ACOX2: variants seen among roughly 807,000 people sequenced by gnomAD.
ACOX2 encodes the protein peroxisomal acyl-coenzyme A oxidase 2.
A neutral mutation model predicts 77.5 loss-of-function variants in ACOX2; 59 were observed. That is an observed-to-expected ratio of 0.76 (90% confidence interval 0.62 to 0.95). ACOX2 has a LOEUF of 0.95. Ranked by LOEUF, ACOX2 falls within the 40% of genes least tolerant of loss-of-function variation. The pLI is 0.00. For synonymous variants in ACOX2, 317 were observed against 340.1 expected (o/e 0.93, Z 0.75); for missense variants, 837 against 880.4 (o/e 0.95, Z 0.62).
At position 58,524,599 on chromosome 3, in the gene ACOX2, C is replaced by T. The variant is rs1233213957; in HGVS notation, c.1353G>A (p.Leu451=). ...TVLYLQVARF[L]VKSYLQTQMS... ...TCTGAGTCTGCAGGTAGCTCTTCAC[C>T]AGGAACCTGGGGGTTGGAAGAGGAG... The change falls in exon 11 of 15, where the codon CTG becomes CTA. Residue 451 remains leucine (L), a synonymous_variant. Coordinates refer to ENST00000302819, the MANE Select transcript of ACOX2 (RefSeq NM_003500.4). This position sits in a 1 kb window ranked among gnomAD's most constrained non-coding sequence, Gnocchi z 5.5. 4 of 1,613,784 alleles carry T rather than the reference C, an allele frequency of 2.5e-6. No individual in the cohort carries two copies. In the African/African-American group the frequency reaches 5.3e-5, roughly 22 times the overall value.
Position 58,531,354 on chromosome 3 carries a change from C to A in ACOX2, c.716G>T (p.Gly239Val). ...AAAGTCCATCTTGGGTCCGATGTCCCCAATGATGATTCCTTGAAGGAGATG... is the reference window on the plus strand; with the variant it reads ...AAAGTCCATCTTGGGTCCGATGTCCACAATGATGATTCCTTGAAGGAGATG... ...DHTPLPGIII[G>V]DIGPKMDFDQ... Residue 239 changes from glycine (G) to valine (V), a missense_variant, in exon 7 of 15, where the codon GGG becomes GTG. Coordinates refer to ENST00000302819, the MANE Select transcript of ACOX2 (RefSeq NM_003500.4). This position sits in a 1 kb window ranked among gnomAD's most constrained non-coding sequence, Gnocchi z 5.8. 6.2e-7 allele frequency: 1 copy of A among 1,613,722 alleles called. No individual in the cohort carries two copies. The highest frequency in any genetic ancestry group is 1.1e-5 in the South Asian group (1 of 91,076).
In ACOX2 at chr3:58,512,336, A is replaced by G. The variant is rs926872463; in HGVS notation, c.1851-3311T>C. Among the ~76,000 whole-genome samples, 7 of 152,164 alleles carry G rather than the reference A, an allele frequency of 4.6e-5. No homozygotes were observed. The highest frequency in any genetic ancestry group is 1.2e-4 in the African/African-American group (5 of 41,434). ...CACCTCCAGCACTGTCACTGCTCCA[A>G]TCCACTATCATCACTCACTTGGATG... On this transcript the variant is annotated intron_variant, in intron 13 of 14. Coordinates refer to ENST00000302819, the MANE Select transcript of ACOX2 (RefSeq NM_003500.4). This position sits in a 1 kb window ranked among gnomAD's most constrained non-coding sequence, Gnocchi z 4.8.
At position 58,526,916 on chromosome 3, in the gene ACOX2, G is replaced by A. The variant is rs2063399749; in HGVS notation, c.1156-260C>T. On this transcript the variant is annotated intron_variant, in intron 9 of 14. Coordinates refer to ENST00000302819, the MANE Select transcript of ACOX2 (RefSeq NM_003500.4). This position sits in a 1 kb window ranked among gnomAD's most constrained non-coding sequence, Gnocchi z 4.3. ...GCCTGGCCAGTGTCTCCAGGATTGG[G>A]AAGAGGGTGCTGCCTGGATTGGGCC... is the stretch of plus-strand genomic sequence containing the variant. Among the ~76,000 whole-genome samples the A allele has an allele frequency of 1.3e-5, 2 of 152,214 alleles. No individual in the cohort carries two copies. The highest frequency in any genetic ancestry group is 4.1e-4 in the South Asian group (2 of 4,832).
intron 14 of ACOX2, among the ~76,000 whole-genome samples, chr3:58,508,195 C>T (rs539478346): frequency 3.9e-4 from 60 of 152,300 alleles, no homozygotes; most frequent in African/African-American, 1.3e-3. Flanking sequence ...CATAGAGCTG[C>T]GAGCATACCC....
chr3:58,510,838 A>G (rs1289009358), intron 13 of ACOX2: 1 of 384,380 alleles, frequency 2.6e-6, no homozygotes, highest in Non-Finnish European at 5.2e-6. Context: ...CTTTGTAACT[A>G]TACATGGCTG....
At position 58,526,638 on chromosome 3, in the gene ACOX2, C is replaced by A. The variant is rs2063397647; in HGVS notation, c.1174G>T (p.Gly392Cys). The change falls in exon 10 of 15, where the codon GGC (glycine) becomes TGC (cysteine). Residue 392 changes from glycine (G) to cysteine (C), a missense_variant. By Grantham distance (159) the Gly-to-Cys change is radical. Coordinates refer to ENST00000302819, the MANE Select transcript of ACOX2 (RefSeq NM_003500.4). This position sits in a 1 kb window ranked among gnomAD's most constrained non-coding sequence, Gnocchi z 4.3. The part of the protein sequence containing the change: ...FLPELHALST[G>C]MKAMMSEFCT... ...AATTCTGACATCATGGCCTTCATGC[C>A]CGTGCTCAGTGCGTGGAGCTGTGAG... is the stretch of plus-strand genomic sequence containing the variant. 2.5e-6 allele frequency: 4 copies of A among 1,613,932 alleles called. No individual in the cohort carries two copies. The African/African-American group carries it at 4.0e-5, about 16-fold the overall frequency.
At position 58,534,435 on chromosome 3, in the gene ACOX2, C is replaced by T. The variant is rs374929399; in HGVS notation, c.248G>A (p.Arg83Lys). ...AGCTATCAACCGGATGTGGAATGCC[C>T]TCCGCATGGCAGCCTTATAACGCTC... ...QNERYKAAMRRAFHIRLIARR... is the reference protein window; with the variant it reads ...QNERYKAAMRKAFHIRLIARR... The change falls in exon 3 of 15, where the codon AGG becomes AAG. Residue 83 changes from arginine (R) to lysine (K), a missense_variant. Coordinates refer to ENST00000302819, the MANE Select transcript of ACOX2 (RefSeq NM_003500.4). The surrounding 1 kb of genome is among the most constrained non-coding windows in gnomAD (Gnocchi z 4.8). 2.5e-6 allele frequency: 4 copies of T among 1,614,190 alleles called. No individual in the cohort carries two copies. The highest frequency in any genetic ancestry group is 3.4e-6 in the Non-Finnish European group (4 of 1,180,036).
Position 58,514,552 on chromosome 3 carries a change from C to A in ACOX2, c.1850+2654G>T, listed in dbSNP as rs1290768705. Among the ~76,000 whole-genome samples the A allele has an allele frequency of 5.9e-5, 9 of 152,180 alleles. No homozygotes were observed. Among genetic ancestry groups the A allele is most frequent in the South Asian group, 4.1e-4 (2 of 4,820 alleles). On this transcript the variant is annotated intron_variant, in intron 13 of 14. Transcript: ENST00000302819. The surrounding 1 kb of genome is among the most constrained non-coding windows in gnomAD (Gnocchi z 4.3). The stretch of plus-strand genomic sequence containing the variant: ...GATAGTGACTAATCAAGGCAGGGAA[C>A]TGTGACACCAAACAGTGATATGCAT...
At position 58,533,737 on chromosome 3, in the gene ACOX2, A is replaced by G. The variant is rs1403256843; in HGVS notation, c.476-185T>C. The G allele has an allele frequency of 2.2e-5, 15 of 669,568 alleles. No homozygotes were observed. Among genetic ancestry groups the G allele is most frequent in the Non-Finnish European group, 3.3e-5 (13 of 394,460 alleles). 41.5% of individuals were successfully genotyped at this position (669,568 alleles called of 1,614,324 possible). ...CTGTGTGTGGGACACACAGTCCCCT[A>G]TAGCCAGTCCATGAGAAGGGGTGGC... On this transcript the variant is annotated intron_variant, in intron 4 of 14. Transcript: ENST00000302819. The surrounding 1 kb of genome is among the most constrained non-coding windows in gnomAD (Gnocchi z 5.6).
intron 14 of ACOX2, 120 bp downstream of exon 14, chr3:58,508,773 G>T (rs376501301): frequency 1.3e-5 from 17 of 1,305,254 alleles, no homozygotes; most frequent in Middle Eastern, 2.0e-4. Flanking sequence ...TTAAACAGAC[G>T]TGCTACGCCA....
At position 58,523,620 on chromosome 3, in the gene ACOX2, TG is replaced by T. The variant is rs2108000649; in HGVS notation, c.1526+805del. Among the ~76,000 whole-genome samples the T allele has an allele frequency of 6.6e-6, 1 of 152,248 alleles. No individual in the cohort carries two copies. The highest frequency in any genetic ancestry group is 1.9e-4 in the East Asian group (1 of 5,192). ...TTTTTATTTTTTTATTAAAATTTTT[TG>T]TATTTTTGGTAGAGGTGGGGTTTCA... On this transcript the variant is annotated intron_variant, in intron 11 of 14. Coordinates refer to ENST00000302819, the MANE Select transcript of ACOX2 (RefSeq NM_003500.4). The surrounding 1 kb of genome is among the most constrained non-coding windows in gnomAD (Gnocchi z 5.3).
rs2063379561 is a variant in ACOX2, at chr3:58,524,360, A to T, written c.1526+66T>A. On this transcript the variant is annotated intron_variant, in intron 11 of 14. Coordinates refer to ENST00000302819, the MANE Select transcript of ACOX2 (RefSeq NM_003500.4). The surrounding 1 kb of genome is among the most constrained non-coding windows in gnomAD (Gnocchi z 5.5). ...CCACGAATGTCCACCCAACCAATCCAAAGGCCCTAGTGTGGCATGGAGCCT... is the reference window on the plus strand; with the variant it reads ...CCACGAATGTCCACCCAACCAATCCTAAGGCCCTAGTGTGGCATGGAGCCT... 2 of 1,557,752 alleles carry T rather than the reference A, an allele frequency of 1.3e-6. No individual in the cohort carries two copies. The highest frequency in any genetic ancestry group is 1.2e-5 in the South Asian group (1 of 84,824).
chr3:58,517,437 A>G lies in ACOX2; in HGVS notation c.1633-14T>C. On this transcript the variant is annotated splice_polypyrimidine_tract_variant and intron_variant, in intron 12 of 14. Coordinates refer to ENST00000302819, the MANE Select transcript of ACOX2 (RefSeq NM_003500.4). Reference sequence around the variant, plus strand: ...GTAGCAGTGCACCTACAAAGACACAAAGATATGTTCTCCTGATTTCTGGTT... The same window carrying G: ...GTAGCAGTGCACCTACAAAGACACAGAGATATGTTCTCCTGATTTCTGGTT... 4.3e-6 allele frequency: 7 copies of G among 1,611,640 alleles called. No individual in the cohort carries two copies. Among genetic ancestry groups the G allele is most frequent in the Non-Finnish European group, 5.1e-6 (6 of 1,177,840 alleles).
In ACOX2 at chr3:58,526,263, G is replaced by A. The variant is rs1232596221; in HGVS notation, c.1346+203C>T. ...CAGGATAGAAGCAAGAGACCAGGGA[G>A]GGGTCTGAGGCTGTGGTGGAGGTGA... On this transcript the variant is annotated intron_variant, in intron 10 of 14. Coordinates refer to ENST00000302819, the MANE Select transcript of ACOX2 (RefSeq NM_003500.4). This position sits in a 1 kb window ranked among gnomAD's most constrained non-coding sequence, Gnocchi z 4.3. 6.6e-6 allele frequency among the ~76,000 whole-genome samples: 1 copy of A among 152,232 alleles called. No homozygotes were observed. Among genetic ancestry groups the A allele is most frequent in the African/African-American group, 2.4e-5 (1 of 41,464 alleles).
rs1008539637 is a variant in ACOX2, at chr3:58,507,357, T to C, written c.1983+1536A>G. The stretch of plus-strand genomic sequence containing the variant: ...TGAAGTGCATCAATGTTTTCCCAAA[T>C]GTGTTGACCCTCTGGGTCAGTCATT... On this transcript the variant is annotated intron_variant, in intron 14 of 14. Transcript: ENST00000302819. 2.2e-4 allele frequency among the ~76,000 whole-genome samples: 33 copies of C among 152,238 alleles called. 1 individual carries two copies. The highest frequency in any genetic ancestry group is 2.1e-3 in the Admixed American group (32 of 15,286).
Position 58,525,492 on chromosome 3 carries a change from A to T in ACOX2, c.1347-887T>A, listed in dbSNP as rs565177197. On this transcript the variant is annotated intron_variant, in intron 10 of 14. Coordinates refer to ENST00000302819, the MANE Select transcript of ACOX2 (RefSeq NM_003500.4). The surrounding 1 kb of genome is among the most constrained non-coding windows in gnomAD (Gnocchi z 5.0). ...GGAAGCTGACTTGGCCATTGCTTGG[A>T]GCCTCTGTGTGCAGGCTCTGCACCA... Among the ~76,000 whole-genome samples, 1 of 152,350 alleles carries T rather than the reference A, an allele frequency of 6.6e-6. No homozygotes were observed. Among genetic ancestry groups the T allele is most frequent in the South Asian group, 2.1e-4 (1 of 4,828 alleles).
In ACOX2 at chr3:58,526,459, AC is replaced by A. The variant is rs1415523474; in HGVS notation, c.1346+6del. ...TGGGCAAAGGCCTGGGTCAGCCTGG[AC>A]CTTACCTGGCCACCTGCAGGTAGAG... On this transcript the variant is annotated splice_donor_region_variant and intron_variant, in intron 10 of 14. Coordinates refer to ENST00000302819, the MANE Select transcript of ACOX2 (RefSeq NM_003500.4). This position sits in a 1 kb window ranked among gnomAD's most constrained non-coding sequence, Gnocchi z 4.3. The A allele has an allele frequency of 6.2e-7, 1 of 1,609,006 alleles. No individual in the cohort carries two copies. The highest frequency in any genetic ancestry group is 1.3e-5 in the African/African-American group (1 of 74,836).
In ACOX2 at chr3:58,521,713, A is replaced by C. The variant is rs1334775395; in HGVS notation, c.1632+783T>G. 6.6e-6 allele frequency among the ~76,000 whole-genome samples: 1 copy of C among 152,220 alleles called. No individual in the cohort carries two copies. Among genetic ancestry groups the C allele is most frequent in the African/African-American group, 2.4e-5 (1 of 41,460 alleles). ...TGAAAACAAAACCCCAACTTTTCAC[A>C]GTGGTGCAAAAGGTCAGAGGCCTTG... On this transcript the variant is annotated intron_variant, in intron 12 of 14. Coordinates refer to ENST00000302819, the MANE Select transcript of ACOX2 (RefSeq NM_003500.4). This position sits in a 1 kb window ranked among gnomAD's most constrained non-coding sequence, Gnocchi z 4.8.
rs1225625958 is a variant in ACOX2 at position 58,534,680 on chromosome 3, T to G, written c.161-158A>C. The G allele has an allele frequency of 2.6e-6, 4 of 1,511,016 alleles. No homozygotes were observed. The East Asian group carries it at 7.2e-5, about 27-fold the overall frequency. The allele number at this position is 1,511,016 out of a possible 1,614,324, so 93.6% of individuals were successfully genotyped here. On this transcript the variant is annotated intron_variant, in intron 2 of 14. Transcript: ENST00000302819. This position sits in a 1 kb window ranked among gnomAD's most constrained non-coding sequence, Gnocchi z 4.8. ...TGAGGACCAAGGTGGGAAAGTGAAT[T>G]GCCCAAGGTTACAAAGCTATGCAGT...
Sources: allele counts gnomAD v4.1 joint callset (sites outside exome capture counted in the v4.1 genomes callset), GRCh38; gene constraint gnomAD v4.1.1; non-coding constraint Gnocchi (gnomAD v3.1); transcripts MANE v1.5; gene names NCBI Gene and HGNC (gene_info 2026-07-23, HGNC 2026-07-21).